Variants in PITPNC1 observed in about 807,000 individuals in gnomAD.
The protein encoded by PITPNC1 is cytoplasmic phosphatidylinositol transfer protein 1.
A neutral mutation model predicts 44.7 loss-of-function variants in PITPNC1; 18 were observed. That is an observed-to-expected ratio of 0.40 (90% confidence interval 0.28 to 0.60). The LOEUF is 0.60. Among genes scored for constraint, PITPNC1 ranks in the 20% least tolerant of loss-of-function variants. PITPNC1 has a pLI of 0.39. For missense variants in PITPNC1, 290 were observed against 418.4 expected, an observed-to-expected ratio of 0.69 and a Z score of 2.68; for synonymous variants, 141 against 149.6, an observed-to-expected ratio of 0.94 and a Z score of 0.42.
chr17:67,438,313 C>CTTTT (rs1245707226), intron 1 of PITPNC1, among the ~76,000 whole-genome samples: 1 of 130,442 alleles, frequency 7.7e-6, no homozygotes, highest in Non-Finnish European at 1.6e-5. Flanking sequence ...TTCTAAGTGA[C>CTTTT]TTTTTTTTTT....
chr17:67,636,716 A>G (rs995351452), intron 6 of PITPNC1, among the ~76,000 whole-genome samples: 1 of 152,100 alleles, frequency 6.6e-6, no homozygotes, highest in Non-Finnish European at 1.5e-5. Flanking sequence ...AACCCACCCA[A>G]AGGAAGAGGG....
At chr17:67,480,646 T>C (rs530931043) in intron 1 of PITPNC1, among the ~76,000 whole-genome samples, 1 of 151,988 alleles carries the variant, frequency 6.6e-6, no homozygotes, top group Admixed American at 6.6e-5. Flanking sequence ...ATGTATGTAT[T>C]TTTTTTTGTA....
At chr17:67,514,942 A>G (rs566803180) in intron 1 of PITPNC1, among the ~76,000 whole-genome samples, 2 of 152,322 alleles carry the variant, frequency 1.3e-5, no homozygotes, top group East Asian at 1.9e-4. Context: ...TAAAACTTCA[A>G]CACTTCAAAA....
At chr17:67,604,348 A>C (rs1434249149) in intron 5 of PITPNC1, among the ~76,000 whole-genome samples, 1 of 152,228 alleles carries the variant, frequency 6.6e-6, no homozygotes, top group African/African-American at 2.4e-5. Context: ...GGAGGCTGGT[A>C]GGCTAATAGC....
intron 1 of PITPNC1, among the ~76,000 whole-genome samples, chr17:67,528,976 C>G (rs1418047865): frequency 6.6e-6 from 1 of 152,110 alleles, no homozygotes; most frequent in African/African-American, 2.4e-5. Flanking sequence ...GGCCTGATTT[C>G]CTTAGGAGGG....
At chr17:67,581,083 T>C (rs1421896755) in intron 5 of PITPNC1, among the ~76,000 whole-genome samples, 1 of 152,256 alleles carries the variant, frequency 6.6e-6, no homozygotes, top group Non-Finnish European at 1.5e-5. Flanking sequence ...GTGGCCTCAC[T>C]GTGATCCCTA....
At chr17:67,575,807 TTTCTTTCTTTCTTTCCTTCC>T (rs1568047716) in intron 4 of PITPNC1, among the ~76,000 whole-genome samples, 2 of 119,864 alleles carry the variant, frequency 1.7e-5, no homozygotes, top group Non-Finnish European at 3.3e-5. Flanking sequence ...TCTTTCTTTC[TTTCTTTCTTTCTTTCCTTCC>T]TTCCTTCCTT....
At chr17:67,584,482 G>A (rs2041283578) in intron 5 of PITPNC1, among the ~76,000 whole-genome samples, 1 of 152,132 alleles carries the variant, frequency 6.6e-6, no homozygotes, top group African/African-American at 2.4e-5. Flanking sequence ...TTGTGAAACA[G>A]AAAGATCAGT....
intron 2 of PITPNC1, among the ~76,000 whole-genome samples, chr17:67,551,759 G>T (rs186239901): frequency 7.2e-4 from 109 of 152,296 alleles, no homozygotes; most frequent in African/African-American, 2.6e-3. Flanking sequence ...CACTACAACT[G>T]TATTTTGTTG....
chr17:67,503,087 C>T (rs988809063), intron 1 of PITPNC1, among the ~76,000 whole-genome samples: 3 of 152,086 alleles, frequency 2.0e-5, no homozygotes, highest in East Asian at 1.9e-4. Context: ...TGAGCCACCT[C>T]GCCCAGGCTC....
intron 1 of PITPNC1, among the ~76,000 whole-genome samples, chr17:67,505,670 T>G (rs2144078229): frequency 6.6e-6 from 1 of 151,972 alleles, no homozygotes; most frequent in Non-Finnish European, 1.5e-5. Context: ...AGAGATGGGG[T>G]TTTACCGTGT....
intron 1 of PITPNC1, among the ~76,000 whole-genome samples, chr17:67,483,375 A>G (rs778337394): frequency 6.6e-6 from 1 of 152,210 alleles, no homozygotes; most frequent in Non-Finnish European, 1.5e-5. Context: ...CCAGATAAAG[A>G]AGTTTTAATT....
intron 1 of PITPNC1, among the ~76,000 whole-genome samples, chr17:67,449,902 C>G (rs2039152557): frequency 6.6e-6 from 1 of 152,192 alleles, no homozygotes; most frequent in African/African-American, 2.4e-5. Flanking sequence ...GTTGCTCAGG[C>G]TGGTCTTGAA....
At chr17:67,435,428 T>C (rs2038924367) in intron 1 of PITPNC1, among the ~76,000 whole-genome samples, 1 of 152,174 alleles carries the variant, frequency 6.6e-6, no homozygotes, top group Non-Finnish European at 1.5e-5. Context: ...ATTCAACAAG[T>C]ATTTATTGAA....
intron 1 of PITPNC1, among the ~76,000 whole-genome samples, chr17:67,470,342 T>C (rs1471456853): frequency 6.6e-6 from 1 of 152,206 alleles, no homozygotes; most frequent in Non-Finnish European, 1.5e-5. Flanking sequence ...ATACAGAACA[T>C]TTCATCACCC....
chr17:67,550,022 G>A (rs1015861210), intron 2 of PITPNC1, among the ~76,000 whole-genome samples: 1 of 152,182 alleles, frequency 6.6e-6, no homozygotes, highest in Non-Finnish European at 1.5e-5. Context: ...CTGCACGCGA[G>A]CCAGTGTAAT....
At chr17:67,478,289 G>T (rs2039658155) in intron 1 of PITPNC1, among the ~76,000 whole-genome samples, 1 of 152,164 alleles carries the variant, frequency 6.6e-6, no homozygotes, top group African/African-American at 2.4e-5. Context: ...GCTGTCCGTG[G>T]TCTTTTGAAA....
In PITPNC1 at chr17:67,401,250, G is replaced by C. The variant is rs77877067; in HGVS notation, c.48+23048G>C. On this transcript the variant is annotated intron_variant, in intron 1 of 8. Transcript: ENST00000581322. ...GCGCCTGGCCAGTTTTCTTTCTTTT[G>C]AGATAAAATCACGGAAAGAACCTGA... Among the ~76,000 whole-genome samples the C allele has an allele frequency of 9.3e-3, 1,417 of 152,062 alleles. 21 individuals are homozygous for C. Among genetic ancestry groups the C allele is most frequent in the African/African-American group, 0.032 (1,313 of 41,468 alleles).
At chr17:67,522,659 C>CTTTGTTTTTTTTTTTTTTTTTTTTTTT (rs2040340824) in intron 1 of PITPNC1, among the ~76,000 whole-genome samples, 1 of 117,228 alleles carries the variant, frequency 8.5e-6, no homozygotes, top group African/African-American at 4.4e-5. Flanking sequence ...CCATTTTAAT[C>CTTTGTTTTTTTTTTTTTTTTTTTTTTT]TTTTTTTTTT....
Sources: gnomAD v4.1 joint callset for allele counts (sites outside exome capture counted in the v4.1 genomes callset) on GRCh38, gnomAD v4.1.1 for gene constraint, MANE v1.5 for transcripts, NCBI Gene and HGNC (gene_info 2026-07-23, HGNC 2026-07-21) for gene names.